The following ULK4 variants were observed in gnomAD, a reference collection of about 807,000 sequenced individuals.
ULK4 encodes the protein inactive serine/threonine-protein kinase ULK4.
A neutral mutation model predicts 160.6 loss-of-function variants in ULK4; 133 were observed. The observed-to-expected ratio is 0.83, with a 90% CI of 0.72 to 0.96. The LOEUF (loss-of-function observed/expected upper bound fraction) is 0.96, where lower values mean the gene tolerates loss of function less well. ULK4 is among the 40% of genes least tolerant of loss of function. The probability of loss-of-function intolerance (pLI) is 0.00; values close to 1 mark genes in which losing one functional copy is unlikely to be tolerated. For synonymous variants in ULK4, 534 were observed against 539.8 expected (o/e 0.99, Z 0.15); for missense variants, 1,580 against 1,499.5 (o/e 1.05, Z -0.89).
chr3:41,598,635 T>C (rs1432264719), intron 31 of ULK4, among the ~76,000 whole-genome samples: 2 of 152,116 alleles, frequency 1.3e-5, no homozygotes, highest in Non-Finnish European at 2.9e-5. Context: ...TGGCTATTTT[T>C]ACGGCCCAGA....
rs544974128 is a variant in ULK4 at position 41,296,371 on chromosome 3, C to A, written c.3679-46797G>T. 2.5e-4 allele frequency among the ~76,000 whole-genome samples: 38 copies of A among 152,294 alleles called. No homozygotes were observed. The South Asian group carries it at 7.9e-3, about 32-fold the overall frequency. ...TGAAGAGAAGGGTTGGAAGTAGAAA[C>A]CCTCTGGGGACCTTGGCCAGGGTGT... On this transcript the variant is annotated intron_variant, in intron 35 of 36. Coordinates refer to ENST00000301831, the MANE Select transcript of ULK4 (RefSeq NM_017886.4).
intron 1 of ULK4, among the ~76,000 whole-genome samples, chr3:41,960,706 T>C (rs1290928130): frequency 1.3e-5 from 2 of 152,222 alleles, no homozygotes; most frequent in Non-Finnish European, 2.9e-5. Flanking sequence ...TGAAATTCCA[T>C]GACTTTAAGA....
intron 32 of ULK4, among the ~76,000 whole-genome samples, chr3:41,547,155 G>A (rs1004940846): frequency 6.6e-6 from 1 of 152,126 alleles, no homozygotes; most frequent in Non-Finnish European, 1.5e-5. Flanking sequence ...CACAGAGTAG[G>A]TTCAAGGTAA....
At chr3:41,475,202 C>T (rs181053621) in intron 32 of ULK4, among the ~76,000 whole-genome samples, 39 of 152,124 alleles carry the variant, frequency 2.6e-4, no homozygotes, top group Admixed American at 1.3e-3. Context: ...CATGGATGGA[C>T]GTGGAAAGCA....
chr3:41,273,061 G>C (rs901067998), intron 35 of ULK4, among the ~76,000 whole-genome samples: 1 of 151,946 alleles, frequency 6.6e-6, no homozygotes, highest in African/African-American at 2.4e-5. Context: ...GTATTTTTCT[G>C]CCTCTTTGCA....
intron 20 of ULK4, among the ~76,000 whole-genome samples, chr3:41,793,090 T>C (rs928856119): frequency 2.0e-5 from 3 of 152,030 alleles, no homozygotes; most frequent in East Asian, 1.9e-4. Flanking sequence ...GGAGAATTAC[T>C]TGAAACCAGA....
intron 35 of ULK4, among the ~76,000 whole-genome samples, chr3:41,297,722 G>C (rs1377277123): frequency 6.6e-6 from 1 of 152,212 alleles, no homozygotes; most frequent in Non-Finnish European, 1.5e-5. Context: ...TCCAACACCT[G>C]AGATGCTTTC....
chr3:41,444,804 C>T (rs2083258967), intron 34 of ULK4, among the ~76,000 whole-genome samples: 1 of 152,076 alleles, frequency 6.6e-6, no homozygotes. Context: ...ATGGTGAAAT[C>T]CCATCTCTAC....
chr3:41,897,529 T>C (rs1698203537), intron 14 of ULK4, among the ~76,000 whole-genome samples: 1 of 152,186 alleles, frequency 6.6e-6, no homozygotes, highest in Admixed American at 6.5e-5. Flanking sequence ...ATTAACATAT[T>C]TTTGGCTGAT....
chr3:41,473,893 A>C (rs2084064408), intron 32 of ULK4, among the ~76,000 whole-genome samples: 1 of 152,186 alleles, frequency 6.6e-6, no homozygotes, highest in Non-Finnish European at 1.5e-5. Flanking sequence ...GGAGGAATTA[A>C]TATTGTTAAA....
rs532835253 is a variant in ULK4 at position 41,866,700 on chromosome 3, G to A, written c.1656+17174C>T. Reference sequence around the variant, plus strand: ...TGTATCTACTATAATATGCGCTTGTGTATGTGTGATTCACAGCATATGTGT... The same window carrying A: ...TGTATCTACTATAATATGCGCTTGTATATGTGTGATTCACAGCATATGTGT... On this transcript the variant is annotated intron_variant, in intron 17 of 36. Transcript: ENST00000301831. Among the ~76,000 whole-genome samples, 16 of 152,292 alleles carry A rather than the reference G, an allele frequency of 1.1e-4. No homozygotes were observed. The South Asian group carries it at 3.3e-3, about 32-fold the overall frequency.
At position 41,661,363 on chromosome 3, in the gene ULK4, C is replaced by T. The variant is rs970807390; in HGVS notation, c.3071+2244G>A. Among the ~76,000 whole-genome samples, 5 of 151,702 alleles carry T rather than the reference C, an allele frequency of 3.3e-5. No individual in the cohort carries two copies. In the East Asian group the frequency reaches 9.7e-4, roughly 29 times the overall value. The stretch of plus-strand genomic sequence containing the variant: ...TAGGTTTTTTTTTAGTCAATCACCA[C>T]GAAGTGAATTTATTTCAGTATTTAT... On this transcript the variant is annotated intron_variant, in intron 30 of 36. Coordinates refer to ENST00000301831, the MANE Select transcript of ULK4 (RefSeq NM_017886.4).
Position 41,681,690 on chromosome 3 carries a change from T to C in ULK4, c.2834-38A>G, listed in dbSNP as rs575736081. Reference sequence around the variant, plus strand: ...AAAAAATGCCAAGAATGTGACTCCATGGAGACAGAATGAAAATAGAATGTG... The same window carrying C: ...AAAAAATGCCAAGAATGTGACTCCACGGAGACAGAATGAAAATAGAATGTG... On this transcript the variant is annotated intron_variant, in intron 28 of 36. Transcript: ENST00000301831. The C allele has an allele frequency of 8.7e-6, 14 of 1,613,820 alleles. No individual in the cohort carries two copies. In the East Asian group the frequency reaches 1.1e-4, roughly 13 times the overall value.
chr3:41,883,981 AAAG>A lies in ULK4; in HGVS notation c.1578-32_1578-30del, dbSNP rs1179465886. 7 of 1,534,116 alleles carry A rather than the reference AAAG, an allele frequency of 4.6e-6. No individual in the cohort carries two copies. The East Asian group carries it at 1.3e-4, about 30-fold the overall frequency. On this transcript the variant is annotated intron_variant, in intron 16 of 36. Coordinates refer to ENST00000301831, the MANE Select transcript of ULK4 (RefSeq NM_017886.4). ...TAAATGGAGAGAAAACAGGCTCTGA[AAAG>A]AAGAGTCGGGGACCGAGGAAACTAA...
At chr3:41,360,740 G>T (rs532898330) in intron 35 of ULK4, among the ~76,000 whole-genome samples, 2 of 152,176 alleles carry the variant, frequency 1.3e-5, no homozygotes, top group Admixed American at 6.5e-5. Context: ...CACACGAAGG[G>T]GAACAACACA....
At chr3:41,893,535 A>C (rs1479756900) in intron 16 of ULK4, among the ~76,000 whole-genome samples, 2 of 152,150 alleles carry the variant, frequency 1.3e-5, no homozygotes, top group Non-Finnish European at 2.9e-5. Context: ...ACTGCCTTCT[A>C]TCCATCTGTT....
chr3:41,679,614 A>C (rs1319504301), intron 29 of ULK4, among the ~76,000 whole-genome samples: 1 of 152,212 alleles, frequency 6.6e-6, no homozygotes, highest in African/African-American at 2.4e-5. Context: ...ATACTAAAGG[A>C]AATATTTATT....
chr3:41,734,549 T>C (rs1187961408), intron 22 of ULK4, among the ~76,000 whole-genome samples: 2 of 151,930 alleles, frequency 1.3e-5, no homozygotes, highest in Admixed American at 6.6e-5. Flanking sequence ...CAGGATTAGA[T>C]GAAATCACCT....
chr3:41,715,575 A>C lies in ULK4; in HGVS notation c.2456-7T>G. 6.2e-7 allele frequency: 1 copy of C among 1,614,092 alleles called. No individual in the cohort carries two copies. The highest frequency in any genetic ancestry group is 8.5e-7 in the Non-Finnish European group (1 of 1,180,010). ...AAGGAGTTAAGAATGTCACCTGTGA[A>C]GCACAGCCCAGAGCATATGTGGAGG... On this transcript the variant is annotated splice_polypyrimidine_tract_variant and splice_region_variant and intron_variant, in intron 23 of 36. Coordinates refer to ENST00000301831, the MANE Select transcript of ULK4 (RefSeq NM_017886.4).
Sources: gnomAD v4.1 joint callset for allele counts (sites outside exome capture counted in the v4.1 genomes callset) on GRCh38, gnomAD v4.1.1 for gene constraint, MANE v1.5 for transcripts, NCBI Gene and HGNC (gene_info 2026-07-23, HGNC 2026-07-21) for gene names.